The following CTNNA1 variants were observed in gnomAD, a reference collection of about 807,000 sequenced individuals.
The protein encoded by CTNNA1 is catenin alpha 1.
A neutral mutation model predicts 98.4 loss-of-function variants in CTNNA1; 37 were observed. That is an observed-to-expected ratio of 0.38 (90% CI 0.29 to 0.49). The LOEUF (loss-of-function observed/expected upper bound fraction) is 0.49, where lower values mean the gene tolerates loss of function less well. CTNNA1 is among the 20% of genes least tolerant of loss of function. CTNNA1 has a pLI of 0.95. For missense variants in CTNNA1, 761 were observed against 1,147.2 expected (o/e 0.66, Z 4.86); for synonymous variants, 404 against 413.2 (o/e 0.98, Z 0.27).
intron 7 of CTNNA1, chr5:138,880,812 GGTTA>G (rs1752724642): frequency 3.1e-6 from 1 of 319,524 alleles, no homozygotes; most frequent in African/African-American, 2.2e-5. Flanking sequence ...AAATTTAAGG[GGTTA>G]GTTTGCATGT....
intron 1 of CTNNA1, among the ~76,000 whole-genome samples, chr5:138,758,868 C>G (rs1037296649): frequency 6.6e-5 from 10 of 151,290 alleles, no homozygotes; most frequent in Non-Finnish European, 1.0e-4. Flanking sequence ...AGTGCAATGG[C>G]GTGATCTTGG....
intron 7 of CTNNA1, chr5:138,871,790 T>TA (rs1750658076): frequency 6.6e-6 from 1 of 152,258 alleles, no homozygotes; most frequent in Admixed American, 6.5e-5. Context: ...GAACTACACT[T>TA]ACAGCGTGAA....
At chr5:138,788,550 C>T (rs1755976200) in intron 3 of CTNNA1, among the ~76,000 whole-genome samples, 1 of 152,084 alleles carries the variant, frequency 6.6e-6, no homozygotes, top group South Asian at 2.1e-4. Context: ...TTTTTATCAT[C>T]CCCCAAAAGA....
At chr5:138,847,618 G>T (rs1011825440) in intron 7 of CTNNA1, among the ~76,000 whole-genome samples, 1 of 152,168 alleles carries the variant, frequency 6.6e-6, no homozygotes, top group Non-Finnish European at 1.5e-5. Context: ...CACTGTGGCA[G>T]GAAGTAAGAA....
chr5:138,839,554 G>A (rs1762095940), intron 7 of CTNNA1, among the ~76,000 whole-genome samples: 1 of 152,128 alleles, frequency 6.6e-6, no homozygotes. Context: ...CTAGTTGGTT[G>A]ATGGCATTGT....
chr5:138,896,767 T>C (rs573343194), intron 9 of CTNNA1, among the ~76,000 whole-genome samples: 1 of 152,294 alleles, frequency 6.6e-6, no homozygotes, highest in East Asian at 1.9e-4. Context: ...CACCCCTTTC[T>C]CCCCTATCAA....
Position 138,904,436 on chromosome 5 carries a change from C to A in CTNNA1, c.1384C>A (p.Pro462Thr). The A allele has an allele frequency of 6.2e-7, 1 of 1,613,542 alleles. No individual in the cohort carries two copies. The highest frequency in any genetic ancestry group is 8.5e-7 in the Non-Finnish European group (1 of 1,179,726). Reference sequence around the variant, plus strand: ...TGCAAGCCAGTTAGAAGCCCTCTGTCCTCAGGTAAAGTACAACTGACACTG... The same window carrying A: ...TGCAAGCCAGTTAGAAGCCCTCTGTACTCAGGTAAAGTACAACTGACACTG... ...MSASQLEALC[P>T]QVINAALALA... The change falls in exon 10 of 18, where the codon CCT (proline) becomes ACT (threonine). Residue 462 changes from proline (P) to threonine (T), a missense_variant. Pro to Thr is a conservative substitution (Grantham distance 38). Coordinates refer to ENST00000302763, the MANE Select transcript of CTNNA1 (RefSeq NM_001903.5).
chr5:138,931,188 C>A lies in CTNNA1; in HGVS notation c.2298+253C>A, dbSNP rs145069055. The A allele has an allele frequency of 1.3e-4, 58 of 457,978 alleles. 1 individual carries two copies. The highest frequency in any genetic ancestry group is 6.1e-4 in the Middle Eastern group (1 of 1,636). 28.4% of individuals were successfully genotyped at this position (457,978 alleles called of 1,614,324 possible). A position where few individuals can be genotyped will look rare whatever the true frequency, so the allele number is the denominator to read the frequency against. ...CTTATGTCTCAGTTCCCTCTCTCCC[C>A]CTCTGGGCAGGGGCCGAGAGCAGCC... On this transcript the variant is annotated intron_variant, in intron 16 of 17. Coordinates refer to ENST00000302763, the MANE Select transcript of CTNNA1 (RefSeq NM_001903.5).
intron 3 of CTNNA1, among the ~76,000 whole-genome samples, chr5:138,785,206 C>T (rs974805173): frequency 1.7e-4 from 25 of 150,190 alleles, no homozygotes; most frequent in African/African-American, 5.1e-4. Flanking sequence ...GGACTACAGG[C>T]GCCCGCCACT....
intron 7 of CTNNA1, among the ~76,000 whole-genome samples, chr5:138,840,122 T>C (rs1469667524): frequency 6.6e-6 from 1 of 152,096 alleles, no homozygotes; most frequent in Non-Finnish European, 1.5e-5. Context: ...GATGGGGATA[T>C]AATGGGTGGT....
At chr5:138,878,680 A>C (rs1231588170) in intron 7 of CTNNA1, among the ~76,000 whole-genome samples, 1 of 152,204 alleles carries the variant, frequency 6.6e-6, no homozygotes, top group East Asian at 1.9e-4. Context: ...AGGGAGAGTT[A>C]TTCCCCTACT....
intron 3 of CTNNA1, among the ~76,000 whole-genome samples, chr5:138,803,996 C>T (rs1332924382): frequency 6.6e-6 from 1 of 152,218 alleles, no homozygotes; most frequent in Admixed American, 6.5e-5. Context: ...TAGGTGAATA[C>T]TGATGAAACA....
rs1378077290 is a variant in CTNNA1, at chr5:138,886,334, A to G, written c.1143+42A>G. 3.2e-6 allele frequency: 5 copies of G among 1,539,058 alleles called. No individual in the cohort carries two copies. The highest frequency in any genetic ancestry group is 4.7e-5 in the East Asian group (2 of 42,332). ...TGCTGATTGTTTTTCTAAGTTCTCA[A>G]TTTTGTAGTTTTGATTAAAATCCTA... On this transcript the variant is annotated intron_variant, in intron 8 of 17. Transcript: ENST00000302763.
chr5:138,758,294 C>T (rs113552027), intron 1 of CTNNA1, among the ~76,000 whole-genome samples: 3,558 of 152,102 alleles, frequency 0.023, 138 homozygotes, highest in African/African-American at 0.081. Flanking sequence ...CTCCGCCTCC[C>T]GGGTTCATGC....
intron 1 of CTNNA1, among the ~76,000 whole-genome samples, chr5:138,756,458 C>T (rs971495914): frequency 2.0e-5 from 3 of 152,128 alleles, no homozygotes; most frequent in Non-Finnish European, 4.4e-5. Context: ...TGAGCCACCG[C>T]ACTTTCGGAT....
chr5:138,772,018 C>T (rs749512812), intron 1 of CTNNA1, among the ~76,000 whole-genome samples: 4 of 152,154 alleles, frequency 2.6e-5, no homozygotes, highest in Non-Finnish European at 4.4e-5. Context: ...ACATTTTAAG[C>T]ATGATTTGGC....
intron 7 of CTNNA1, among the ~76,000 whole-genome samples, chr5:138,853,616 C>A (rs1259268951): frequency 6.6e-6 from 1 of 152,100 alleles, no homozygotes; most frequent in Non-Finnish European, 1.5e-5. Context: ...AGATTACTTA[C>A]ATGCACATAA....
chr5:138,780,319 A>T (rs1025783042), intron 1 of CTNNA1, among the ~76,000 whole-genome samples: 2 of 150,798 alleles, frequency 1.3e-5, no homozygotes, highest in Non-Finnish European at 3.0e-5. Flanking sequence ...CCTCCCGAGT[A>T]GCTGGGACTA....
intron 1 of CTNNA1, 49 bp from the exon 2 acceptor site, chr5:138,781,874 C>G: frequency 6.6e-7 from 1 of 1,506,448 alleles, no homozygotes; most frequent in Non-Finnish European, 8.9e-7. Context: ...TTACATATTT[C>G]ATGTTTGTGT....
Sources: allele counts gnomAD v4.1 joint callset (sites outside exome capture counted in the v4.1 genomes callset), GRCh38; gene constraint gnomAD v4.1.1; transcripts MANE v1.5; gene names NCBI Gene and HGNC (gene_info 2026-07-23, HGNC 2026-07-21).